C10orf53: variants seen among roughly 807,000 people sequenced by gnomAD.
C10orf53 encodes UPF0728 protein C10orf53.
C10orf53 carries 8 observed loss-of-function variants against 9.4 expected under a neutral mutation model. The ratio of observed to expected loss-of-function variants is 0.85; its 90% CI spans 0.50 to 1.53. C10orf53 has a LOEUF of 1.53. Among genes scored for constraint, C10orf53 ranks in the 40% most tolerant of loss-of-function variants. The pLI, the probability that C10orf53 is intolerant of heterozygous loss-of-function variation, is 0.00. For synonymous variants in C10orf53, 48 were observed against 46.0 expected (o/e 1.04, Z -0.18); for missense variants, 117 against 117.8 (o/e 0.99, Z 0.03).
intron 2 of C10orf53, among the ~76,000 whole-genome samples, chr10:49,703,779 T>A (rs1396819378): frequency 1.3e-5 from 2 of 152,222 alleles, no homozygotes; most frequent in South Asian, 2.1e-4. Context: ...CTAATTAATA[T>A]GTAAATGTAA....
At chr10:49,698,912 G>T (rs1284503819), downstream of C10orf53, among the ~76,000 whole-genome samples, 1 of 152,184 alleles carries the variant, frequency 6.6e-6, no homozygotes, top group Non-Finnish European at 1.5e-5. Context: ...AGCGTAGTGA[G>T]TGCCAGGGAC....
At chr10:49,699,902 G>A (rs35307820), downstream of C10orf53, among the ~76,000 whole-genome samples, 24 of 151,720 alleles carry the variant, frequency 1.6e-4, no homozygotes, top group South Asian at 1.7e-3. Flanking sequence ...CATCCCCCCC[G>A]AGATCAGGTT....
At chr10:49,705,877 A>C (rs1840719270) in intron 2 of C10orf53, among the ~76,000 whole-genome samples, 1 of 152,206 alleles carries the variant, frequency 6.6e-6, no homozygotes, top group African/African-American at 2.4e-5. Context: ...TATCTGATAA[A>C]GTACTTGTAT....
intron 1 of C10orf53, among the ~76,000 whole-genome samples, chr10:49,685,577 A>G (rs1238884126): frequency 2.0e-5 from 3 of 152,244 alleles, no homozygotes; most frequent in Non-Finnish European, 4.4e-5. Context: ...ACACACATAT[A>G]TTTTATTGGT....
At chr10:49,701,179 T>G (rs777074544), downstream of C10orf53, among the ~76,000 whole-genome samples, 26 of 152,048 alleles carry the variant, frequency 1.7e-4, no homozygotes, top group Non-Finnish European at 2.1e-4. Flanking sequence ...ATGCGTCTCT[T>G]GAGAGAGAGG....
At chr10:49,694,499 A>G in intron 2 of C10orf53, 39 bp from the exon 3 acceptor site, 1 of 1,613,198 alleles carries the variant, frequency 6.2e-7, no homozygotes, top group Middle Eastern at 1.7e-4. Context: ...CAAATTGTAT[A>G]TAAAGCTAAC....
rs1840458590 is a variant in C10orf53, at chr10:49,679,656, C to A, written c.-42C>A. On this transcript the variant is annotated 5_prime_UTR_variant, in exon 1 of 3. Coordinates refer to ENST00000374111, the MANE Select transcript of C10orf53 (RefSeq NM_001042427.3). ...GGCCGGAAGAGAGGTTGCTTAGCAG[C>A]GTGTGTTTCTCCCTTGCCTCTGCGG... 18 of 1,536,472 alleles carry A rather than the reference C, an allele frequency of 1.2e-5. No individual in the cohort carries two copies. The highest frequency in any genetic ancestry group is 2.5e-5 in the East Asian group (1 of 39,986).
At position 49,689,290 on chromosome 10, in the gene C10orf53, G is replaced by A. The variant is rs1840559730; in HGVS notation, c.98-4484G>A. On this transcript the variant is annotated intron_variant, in intron 1 of 2. Coordinates refer to ENST00000374111, the MANE Select transcript of C10orf53 (RefSeq NM_001042427.3). ...CTGGAGGCATAAGGGGGCAAGCGATGGCATTTCAGGAAGAAAATTACCAGT... is the reference window on the plus strand; with the variant it reads ...CTGGAGGCATAAGGGGGCAAGCGATAGCATTTCAGGAAGAAAATTACCAGT... Among the ~76,000 whole-genome samples the A allele has an allele frequency of 2.6e-5, 4 of 152,256 alleles. No homozygotes were observed. In the South Asian group the frequency reaches 8.3e-4, roughly 32 times the overall value.
At chr10:49,681,086 G>A (rs1840474952) in intron 1 of C10orf53, among the ~76,000 whole-genome samples, 1 of 152,170 alleles carries the variant, frequency 6.6e-6, no homozygotes, top group African/African-American at 2.4e-5. Context: ...GCTTATCCAG[G>A]TATTAAGCCC....
chr10:49,682,295 T>C (rs1185261760), intron 1 of C10orf53, among the ~76,000 whole-genome samples: 1 of 152,210 alleles, frequency 6.6e-6, no homozygotes, highest in Non-Finnish European at 1.5e-5. Context: ...GGTGGGTTCA[T>C]GGTCTCGCTG....
exon 3 of C10orf53, chr10:49,709,497 C>G (rs980773931): frequency 1.3e-5 from 2 of 152,322 alleles, no homozygotes; most frequent in African/African-American, 4.8e-5. Flanking sequence ...TTTTATCCAG[C>G]CTGCTTCTCC....
rs1390484560 is a variant in C10orf53, at chr10:49,694,931, T to C, written c.*329T>C. On this transcript the variant is annotated 3_prime_UTR_variant, in exon 3 of 3. Coordinates refer to ENST00000374111, the MANE Select transcript of C10orf53 (RefSeq NM_001042427.3). ...GGTGCCATTCCTGACTAATAACACA[T>C]AGTTGCCAGAAGCATCTGAGATTCC... 1.9e-6 allele frequency: 2 copies of C among 1,079,516 alleles called. No homozygotes were observed. The highest frequency in any genetic ancestry group is 4.2e-4 in the Middle Eastern group (1 of 2,398). 66.9% of individuals were successfully genotyped at this position (1,079,516 alleles called of 1,614,324 possible).
chr10:49,708,254 A>C, intron 2 of C10orf53: 3 of 1,490,224 alleles, frequency 2.0e-6, no homozygotes, highest in Non-Finnish European at 2.7e-6. Flanking sequence ...TGTATACCTG[A>C]AAAGTCCAGC....
At chr10:49,702,212 AAAGG>A (rs200870332), downstream of C10orf53, among the ~76,000 whole-genome samples, 44,916 of 110,306 alleles carry the variant, frequency 0.41, 10,712 homozygotes, top group East Asian at 0.8. Context: ...AAAACAAAGA[AAAGG>A]AAGGAAGGAA....
downstream of C10orf53, among the ~76,000 whole-genome samples, chr10:49,700,465 T>C (rs1349312878): frequency 6.6e-6 from 1 of 152,178 alleles, no homozygotes; most frequent in Non-Finnish European, 1.5e-5. Context: ...AATGGGATGT[T>C]TCTTCCCTCT....
rs1840619205 is a variant in C10orf53 at position 49,694,751 on chromosome 10, A to G, written c.*149A>G. The G allele has an allele frequency of 1.4e-6, 2 of 1,446,796 alleles. No individual in the cohort carries two copies. The highest frequency in any genetic ancestry group is 2.7e-5 in the Admixed American group (1 of 36,976). The allele number at this position is 1,446,796 out of a possible 1,614,324, so 89.6% of individuals were successfully genotyped here. ...CTCGGGCCTGACCTCCAGCTTACGC[A>G]GCCTCAGGATTGTCACCTGGCTGCA... On this transcript the variant is annotated 3_prime_UTR_variant, in exon 3 of 3. Coordinates refer to ENST00000374111, the MANE Select transcript of C10orf53 (RefSeq NM_001042427.3).
chr10:49,690,254 G>A (rs1153792), intron 1 of C10orf53, among the ~76,000 whole-genome samples: 144,107 of 152,256 alleles, frequency 0.95, 68,556 homozygotes, highest in Non-Finnish European at 0.99. Context: ...TCAGTTCTGT[G>A]TTTCGATGAA....
chr10:49,708,590 A>G (rs1165500961), exon 3 of C10orf53: 2 of 1,614,204 alleles, frequency 1.2e-6, no homozygotes, highest in Non-Finnish European at 1.7e-6. Context: ...TTTCTGGACT[A>G]GAGAAGAGGG....
At chr10:49,708,307 G>T in intron 2 of C10orf53, 3 of 1,592,486 alleles carry the variant, frequency 1.9e-6, no homozygotes, top group Non-Finnish European at 2.6e-6. Context: ...ACAACAGCAG[G>T]ACTCTGTCTC....
Sources: gnomAD v4.1 joint callset for allele counts (sites outside exome capture counted in the v4.1 genomes callset) on GRCh38, gnomAD v4.1.1 for gene constraint, MANE v1.5 for transcripts, NCBI Gene and HGNC (gene_info 2026-07-23, HGNC 2026-07-21) for gene names.